Variants in SOX30 observed in about 807,000 individuals in gnomAD.
SOX30 encodes transcription factor SOX-30.
A neutral mutation model predicts 58.6 loss-of-function variants in SOX30; 17 were observed. That is an observed-to-expected ratio of 0.29 (90% CI 0.20 to 0.44). The LOEUF is 0.44. SOX30 is among the 20% of genes least tolerant of loss of function. The pLI, the probability that SOX30 is intolerant of heterozygous loss-of-function variation, is 1.00. For synonymous variants in SOX30, 421 were observed against 400.2 expected (o/e 1.05, Z -0.62); for missense variants, 951 against 965.8 (o/e 0.98, Z 0.20).
rs766888937 is a variant in SOX30 at position 157,651,635 on chromosome 5, C to T, written c.444G>A (p.Gln148=). The T allele has an allele frequency of 2.3e-5, 37 of 1,612,474 alleles. No homozygotes were observed. Among genetic ancestry groups the T allele is most frequent in the Non-Finnish European group, 1.7e-5 (20 of 1,179,818 alleles). The change falls in exon 1 of 5, where the codon CAG becomes CAA. Residue 148 remains glutamine, a synonymous_variant. Coordinates refer to ENST00000265007, the MANE Select transcript of SOX30 (RefSeq NM_178424.2). ...CGACGGCCCCTCGAGGCCCCACTGA[C>T]TGATCCAGGCTGGGCCCCAGCTTCT... The part of the protein sequence containing the change: ...KKQKLGPSLD[Q]SVGPRGAVET...
intron 2 of SOX30, among the ~76,000 whole-genome samples, chr5:157,647,504 T>C (rs1759221942): frequency 6.6e-6 from 1 of 152,192 alleles, no homozygotes; most frequent in African/African-American, 2.4e-5. Context: ...ATTTCCTCAC[T>C]TTCTGTAAGT....
At chr5:157,643,182 G>T (rs1429446551) in intron 3 of SOX30, among the ~76,000 whole-genome samples, 7 of 152,054 alleles carry the variant, frequency 4.6e-5, no homozygotes, top group Non-Finnish European at 8.8e-5. Flanking sequence ...TCAGCACTTT[G>T]GGAGGCAGAG....
At chr5:157,668,073 C>G (rs1193084551) in intron 1 of SOX30, among the ~76,000 whole-genome samples, 2 of 152,186 alleles carry the variant, frequency 1.3e-5, no homozygotes, top group Admixed American at 6.5e-5. Context: ...GGCTGCCGCC[C>G]CAGTGATTCT....
At chr5:157,626,826 T>C (rs1758669234) in intron 4 of SOX30, 105 bp from the exon 5 acceptor site, 2 of 1,277,840 alleles carry the variant, frequency 1.6e-6, no homozygotes, top group Non-Finnish European at 2.1e-6. Context: ...TTTGGAAAGT[T>C]CCTTTCTGCA....
upstream of SOX30, among the ~76,000 whole-genome samples, chr5:157,656,205 C>T (rs1202581371): frequency 2.0e-5 from 3 of 151,868 alleles, no homozygotes; most frequent in Admixed American, 6.6e-5. Flanking sequence ...TTTGATTAAT[C>T]GGTTAAAAAT....
At chr5:157,650,428 A>G (rs1030021364) in intron 1 of SOX30, among the ~76,000 whole-genome samples, 2 of 152,190 alleles carry the variant, frequency 1.3e-5, no homozygotes, top group African/African-American at 4.8e-5. Context: ...ACTAAATCTT[A>G]AAATAAGAAT....
chr5:157,652,500 T>G (rs907047858), upstream of SOX30: 5 of 542,080 alleles, frequency 9.2e-6, no homozygotes, highest in African/African-American at 1.0e-4. Context: ...AAGTCTTGCG[T>G]CACAAGGGGA....
chr5:157,663,279 G>A (rs943558684), intron 2 of SOX30, among the ~76,000 whole-genome samples: 13 of 152,140 alleles, frequency 8.5e-5, no homozygotes, highest in Non-Finnish European at 5.9e-5. Flanking sequence ...TCATCCCTGC[G>A]ATGCAAGACT....
intron 1 of SOX30, among the ~76,000 whole-genome samples, chr5:157,669,494 AT>A (rs1759735032): frequency 1.5e-5 from 2 of 134,380 alleles, no homozygotes; most frequent in South Asian, 5.3e-4. Flanking sequence ...AATTTTATTT[AT>A]TTATTTATTT....
intron 1 of SOX30, among the ~76,000 whole-genome samples, chr5:157,669,307 C>T (rs1759728791): frequency 6.6e-6 from 1 of 151,972 alleles, no homozygotes; most frequent in African/African-American, 2.4e-5. Context: ...GATTCTCCTG[C>T]CTCTGCCTCC....
chr5:157,651,901 C>CCACTGCCTCCCCGCACGA lies in SOX30; in HGVS notation c.160_177dup (p.Ser54_Val59dup). 6.5e-7 allele frequency: 1 copy of CCACTGCCTCCCCGCACGA among 1,526,988 alleles called. No individual in the cohort carries two copies. Among genetic ancestry groups the CCACTGCCTCCCCGCACGA allele is most frequent in the Non-Finnish European group, 8.8e-7 (1 of 1,141,748 alleles). 94.6% of individuals were successfully genotyped at this position (1,526,988 alleles called of 1,614,324 possible). A position where few individuals can be genotyped will look rare whatever the true frequency, so the allele number is the denominator to read the frequency against. ...CGCACCGCGGGCTGTAAGCCGGACGCCACTGCCTCCCCGCACGACGAGGCC... is the reference window on the plus strand; with the variant it reads ...CGCACCGCGGGCTGTAAGCCGGACGCCACTGCCTCCCCGCACGACACTGCCTCCCCGCACGACGAGGCC... On this transcript the variant is annotated inframe_insertion, in exon 1 of 5. Transcript: ENST00000265007.
intron 1 of SOX30, among the ~76,000 whole-genome samples, chr5:157,650,738 TTTC>T (rs1759307449): frequency 6.6e-6 from 1 of 152,256 alleles, no homozygotes; most frequent in African/African-American, 2.4e-5. Context: ...ATTTCTTCTA[TTTC>T]TTGATACATA....
chr5:157,651,690 G>C lies in SOX30; in HGVS notation c.389C>G (p.Pro130Arg), dbSNP rs1444939953. ...TSRPELHPVQ[P>R]LALHVKAKKQ... is the part of the protein sequence containing the mutation. The stretch of plus-strand genomic sequence containing the variant: ...CTTGGCCTTGACATGCAGCGCCAGG[G>C]GCTGCACCGGGTGCAACTCGGGCCT... Residue 130 changes from proline to arginine, a missense_variant, in exon 1 of 5, where the codon CCC becomes CGC. Physicochemically the swap from Pro to Arg is moderately radical, Grantham distance 103. This residue lies in a region of SOX30 where 363 missense variants were observed against 294.5 expected (regional missense o/e 1.23). Transcript: ENST00000265007. The C allele has an allele frequency of 6.3e-7, 1 of 1,599,178 alleles. No individual in the cohort carries two copies. Among genetic ancestry groups the C allele is most frequent in the Admixed American group, 1.7e-5 (1 of 58,170 alleles).
chr5:157,627,722 CG>C (rs1484356168), intron 4 of SOX30, among the ~76,000 whole-genome samples: 1 of 152,058 alleles, frequency 6.6e-6, no homozygotes, highest in Non-Finnish European at 1.5e-5. Context: ...TGGCCGGGCG[CG>C]GTGGCTCACG....
At chr5:157,667,148 G>A (rs572083818) in intron 2 of SOX30, among the ~76,000 whole-genome samples, 1 of 152,254 alleles carries the variant, frequency 6.6e-6, no homozygotes, top group Admixed American at 6.5e-5. Context: ...ATGAGGGAGA[G>A]GCTCACCCAA....
intron 2 of SOX30, among the ~76,000 whole-genome samples, chr5:157,647,178 C>T (rs1440387159): frequency 2.0e-5 from 3 of 151,776 alleles, no homozygotes; most frequent in African/African-American, 7.2e-5. Flanking sequence ...TCTCCTGCCT[C>T]AGCCTCCTGA....
At chr5:157,657,647 CAG>C (rs1419367733) in intron 2 of SOX30, among the ~76,000 whole-genome samples, 2 of 152,082 alleles carry the variant, frequency 1.3e-5, no homozygotes, top group Non-Finnish European at 2.9e-5. Flanking sequence ...TTTTGTTTTT[CAG>C]AGTCAAGGAA....
At chr5:157,634,632 C>T (rs983002542) in intron 4 of SOX30, among the ~76,000 whole-genome samples, 4 of 151,942 alleles carry the variant, frequency 2.6e-5, no homozygotes, top group Admixed American at 6.6e-5. Context: ...TTGGAAAATT[C>T]CACATATAAA....
intron 4 of SOX30, among the ~76,000 whole-genome samples, chr5:157,629,083 G>A (rs987708986): frequency 1.3e-5 from 2 of 152,128 alleles, no homozygotes; most frequent in Non-Finnish European, 2.9e-5. Context: ...AAGTTCTAAT[G>A]TTCAGTAGCA....
Sources: allele counts gnomAD v4.1 joint callset (sites outside exome capture counted in the v4.1 genomes callset), GRCh38; gene constraint gnomAD v4.1.1; regional missense constraint gnomAD v4.1.1; transcripts MANE v1.5; gene names NCBI Gene and HGNC (gene_info 2026-07-23, HGNC 2026-07-21).